Variants in CDK14 observed in about 807,000 individuals in gnomAD.
The protein encoded by CDK14 is cyclin-dependent kinase 14.
CDK14 carries 34 observed loss-of-function variants against 60.7 expected under a neutral mutation model. The ratio of observed to expected loss-of-function variants is 0.56; its 90% CI spans 0.43 to 0.75. The LOEUF (loss-of-function observed/expected upper bound fraction) is 0.75, where lower values mean the gene tolerates loss of function less well. Among genes scored for constraint, CDK14 ranks in the 30% least tolerant of loss-of-function variants. The probability of loss-of-function intolerance (pLI) is 0.00; values close to 1 mark genes in which losing one functional copy is unlikely to be tolerated. For synonymous variants in CDK14, 197 were observed against 203.7 expected (o/e 0.97, Z 0.28); for missense variants, 482 against 564.1 (o/e 0.85, Z 1.47).
chr7:90,943,913 C>A (rs1168176952), intron 8 of CDK14, among the ~76,000 whole-genome samples: 1 of 152,078 alleles, frequency 6.6e-6, no homozygotes, highest in Non-Finnish European at 1.5e-5. Context: ...GAGGTGGGAC[C>A]TTTAAGGGGT....
rs1254784759 is a variant in CDK14 at position 90,596,619 on chromosome 7, G to C, written c.-9G>C. Reference sequence around the variant, plus strand: ...TTTGGGGAAGTTGTCGGGGCTCCGCGTCGCCCAGATGTGTGACCTCATTGA... The same window carrying C: ...TTTGGGGAAGTTGTCGGGGCTCCGCCTCGCCCAGATGTGTGACCTCATTGA... On this transcript the variant is annotated 5_prime_UTR_variant, in exon 1 of 15. Transcript: ENST00000380050. 3.1e-6 allele frequency: 5 copies of C among 1,611,116 alleles called. No homozygotes were observed. In the African/African-American group the frequency reaches 4.0e-5, roughly 13 times the overall value.
intron 14 of CDK14, among the ~76,000 whole-genome samples, chr7:91,159,613 G>A (rs1801103507): frequency 6.6e-6 from 1 of 152,246 alleles, no homozygotes. Context: ...GTGCCCAGCA[G>A]CAAGGCGAAG....
At chr7:91,133,621 A>G (rs1800179399) in intron 14 of CDK14, among the ~76,000 whole-genome samples, 1 of 152,210 alleles carries the variant, frequency 6.6e-6, no homozygotes, top group Admixed American at 6.5e-5. Flanking sequence ...TGTAAAATTT[A>G]TACATAAGAA....
At chr7:90,685,953 T>C (rs1457763330) in intron 2 of CDK14, among the ~76,000 whole-genome samples, 1 of 152,090 alleles carries the variant, frequency 6.6e-6, no homozygotes. Context: ...ATATTTTGAT[T>C]GTACTTTTTA....
chr7:90,980,267 G>A lies in CDK14; in HGVS notation c.948-3881G>A, dbSNP rs181284530. On this transcript the variant is annotated intron_variant, in intron 9 of 14. Coordinates refer to ENST00000380050, the MANE Select transcript of CDK14 (RefSeq NM_001287135.2). ...ACTGCATCCTGTGACACCTTTGATTGTAAGCTTTTGTGACCAGTTCTTATT... is the reference window on the plus strand; with the variant it reads ...ACTGCATCCTGTGACACCTTTGATTATAAGCTTTTGTGACCAGTTCTTATT... Among the ~76,000 whole-genome samples the A allele has an allele frequency of 7.6e-3, 1,152 of 152,238 alleles. 6 individuals carry two copies. The highest frequency in any genetic ancestry group is 0.011 in the Non-Finnish European group (757 of 68,018).
At chr7:90,606,896 T>G (rs1486834370) in intron 2 of CDK14, among the ~76,000 whole-genome samples, 1 of 152,202 alleles carries the variant, frequency 6.6e-6, no homozygotes, top group Non-Finnish European at 1.5e-5. Flanking sequence ...ACATTCTCAT[T>G]TGTAAAATCA....
At chr7:90,599,596 G>C (rs1179555633) in intron 1 of CDK14, among the ~76,000 whole-genome samples, 3 of 152,204 alleles carry the variant, frequency 2.0e-5, no homozygotes, top group African/African-American at 7.2e-5. Context: ...GGCTGTCATT[G>C]TTCCTTGCAA....
intron 10 of CDK14, among the ~76,000 whole-genome samples, chr7:91,031,752 C>A (rs1796766152): frequency 6.6e-6 from 1 of 152,180 alleles, no homozygotes; most frequent in East Asian, 1.9e-4. Flanking sequence ...AGGATAAACA[C>A]TGTTACATTT....
intron 10 of CDK14, 74 bp downstream of exon 10, chr7:90,984,315 T>TG: frequency 2.2e-6 from 2 of 919,382 alleles, no homozygotes; most frequent in Non-Finnish European, 3.5e-6. Flanking sequence ...TCTACAGCAG[T>TG]CTGTGGAAAA....
chr7:90,634,867 A>ATC (rs1800099017), intron 2 of CDK14, among the ~76,000 whole-genome samples: 1 of 151,998 alleles, frequency 6.6e-6, no homozygotes, highest in Non-Finnish European at 1.5e-5. Context: ...TTTGATTTGC[A>ATC]TCTCTCTGAT....
At chr7:90,776,821 A>G (rs939659487) in intron 4 of CDK14, among the ~76,000 whole-genome samples, 5 of 152,188 alleles carry the variant, frequency 3.3e-5, no homozygotes, top group Non-Finnish European at 7.4e-5. Flanking sequence ...TTGAGGATCT[A>G]TGAAAAATTG....
chr7:90,814,145 G>A (rs1430624909), intron 5 of CDK14, among the ~76,000 whole-genome samples: 1 of 152,112 alleles, frequency 6.6e-6, no homozygotes, highest in African/African-American at 2.4e-5. Context: ...AAATTTATTA[G>A]TAAAGAAAGA....
chr7:90,597,489 A>C (rs967203608), intron 1 of CDK14: 1 of 152,184 alleles, frequency 6.6e-6, no homozygotes, highest in African/African-American at 2.4e-5. Context: ...TTAGATTTTG[A>C]GTACTGGGCA....
intron 10 of CDK14, among the ~76,000 whole-genome samples, chr7:90,985,920 A>T (rs1371182827): frequency 6.6e-6 from 1 of 152,162 alleles, no homozygotes; most frequent in Non-Finnish European, 1.5e-5. Context: ...TAACATGATT[A>T]TAAAAATAGT....
At chr7:91,158,118 C>T (rs117919511) in intron 14 of CDK14, among the ~76,000 whole-genome samples, 5,000 of 147,008 alleles carry the variant, frequency 0.034, 150 homozygotes, top group South Asian at 0.085. Flanking sequence ...TATATATAAA[C>T]AGTATATATA....
chr7:91,185,268 A>G (rs1353244822), intron 14 of CDK14, among the ~76,000 whole-genome samples: 1 of 136,032 alleles, frequency 7.4e-6, no homozygotes, highest in African/African-American at 2.6e-5. Context: ...ATCCAATTCT[A>G]CTAATCCTAC....
intron 4 of CDK14, among the ~76,000 whole-genome samples, chr7:90,785,258 C>G (rs1805529872): frequency 6.6e-6 from 1 of 152,196 alleles, no homozygotes; most frequent in Non-Finnish European, 1.5e-5. Context: ...CACATGGACA[C>G]TGTTTTCAGA....
chr7:90,760,315 T>C (rs1804263776), intron 4 of CDK14, among the ~76,000 whole-genome samples: 1 of 152,214 alleles, frequency 6.6e-6, no homozygotes, highest in Admixed American at 6.5e-5. Flanking sequence ...TTCTTACTGC[T>C]TGCACTAAAG....
chr7:90,934,080 C>T (rs1057328292), intron 8 of CDK14, among the ~76,000 whole-genome samples: 1 of 152,268 alleles, frequency 6.6e-6, no homozygotes, highest in Non-Finnish European at 1.5e-5. Context: ...ACTCCAGTTG[C>T]AGTCTCCAAG....
Sources: allele counts gnomAD v4.1 joint callset (sites outside exome capture counted in the v4.1 genomes callset), GRCh38; gene constraint gnomAD v4.1.1; transcripts MANE v1.5; gene names NCBI Gene and HGNC (gene_info 2026-07-23, HGNC 2026-07-21).